Variants in CALN1 observed in about 807,000 individuals in gnomAD.
CALN1 encodes the protein calneuron 1.
CALN1 carries 17 observed loss-of-function variants against 30.6 expected under a neutral mutation model. The ratio of observed to expected loss-of-function variants is 0.56; its 90% CI spans 0.38 to 0.83. The LOEUF (loss-of-function observed/expected upper bound fraction) is 0.83. Ranked by LOEUF, CALN1 falls within the 40% of genes least tolerant of loss-of-function variation. The pLI is 0.00. For synonymous variants in CALN1, 156 were observed against 131.4 expected (o/e 1.19, Z -1.28); for missense variants, 291 against 354.9 (o/e 0.82, Z 1.45).
At chr7:72,134,009 A>C (rs933153198) in intron 3 of CALN1, among the ~76,000 whole-genome samples, 4 of 152,176 alleles carry the variant, frequency 2.6e-5, no homozygotes, top group Admixed American at 2.6e-4. Flanking sequence ...TGGCATTAAA[A>C]GGCATTAAAA....
chr7:72,307,966 C>G (rs560438935), intron 2 of CALN1, among the ~76,000 whole-genome samples: 18 of 152,176 alleles, frequency 1.2e-4, no homozygotes, highest in African/African-American at 4.1e-4. Context: ...CGTGAGTCCT[C>G]TCACTCACTA....
intron 5 of CALN1, among the ~76,000 whole-genome samples, chr7:71,891,957 T>TA (rs61692856): frequency 1.4e-3 from 145 of 101,900 alleles, no homozygotes; most frequent in South Asian, 5.3e-3. Flanking sequence ...AATAAATAAA[T>TA]AAAAAAAAAA....
intron 1 of CALN1, among the ~76,000 whole-genome samples, chr7:72,423,617 C>T (rs1165143935): frequency 5.9e-5 from 9 of 152,194 alleles, no homozygotes; most frequent in East Asian, 5.8e-4. Context: ...CCCCACACCA[C>T]CTGGGCGAAT....
chr7:72,348,893 C>CA (rs1802781500), intron 2 of CALN1, among the ~76,000 whole-genome samples: 1 of 152,142 alleles, frequency 6.6e-6, no homozygotes, highest in African/African-American at 2.4e-5. Flanking sequence ...ATAACACCCA[C>CA]AGTGTCCATG....
intron 4 of CALN1, among the ~76,000 whole-genome samples, chr7:72,094,900 C>A (rs1806114372): frequency 6.6e-6 from 1 of 152,140 alleles, no homozygotes; most frequent in Non-Finnish European, 1.5e-5. Context: ...AAGGTAACCT[C>A]ATGAGAACCC....
chr7:72,062,517 A>G (rs1439739998), intron 4 of CALN1, among the ~76,000 whole-genome samples: 3 of 147,764 alleles, frequency 2.0e-5, no homozygotes, highest in African/African-American at 5.2e-5. Flanking sequence ...ATCTCAAAAA[A>G]AAAAAAAAAA....
chr7:72,009,759 T>C (rs1015618088), intron 5 of CALN1, among the ~76,000 whole-genome samples: 3 of 152,156 alleles, frequency 2.0e-5, no homozygotes, highest in Non-Finnish European at 4.4e-5. Context: ...TTCCCTTTCA[T>C]TTGGCTCTCA....
chr7:71,978,600 C>T (rs1798227421), intron 5 of CALN1, among the ~76,000 whole-genome samples: 1 of 152,288 alleles, frequency 6.6e-6, no homozygotes, highest in Non-Finnish European at 1.5e-5. Flanking sequence ...AGCCTTAGCA[C>T]TGAGGGCAGG....
intron 5 of CALN1, among the ~76,000 whole-genome samples, chr7:71,898,018 G>GA (rs1554372166): frequency 8.3e-4 from 67 of 80,972 alleles, no homozygotes; most frequent in Middle Eastern, 7.4e-3. Context: ...GGAGGGGGGG[G>GA]GAGAGAGAGA....
chr7:72,396,512 G>C (rs1245851932), intron 2 of CALN1, among the ~76,000 whole-genome samples: 2 of 152,038 alleles, frequency 1.3e-5, no homozygotes, highest in Admixed American at 1.3e-4. Flanking sequence ...TGGTGAATAG[G>C]ACGGAGGAGG....
intron 4 of CALN1, among the ~76,000 whole-genome samples, chr7:72,092,783 T>C (rs577746520): frequency 7.2e-5 from 11 of 152,292 alleles, no homozygotes; most frequent in Admixed American, 7.2e-4. Context: ...GTGACTTGCT[T>C]TAGCCAGTGA....
chr7:72,070,179 A>G (rs531672046), intron 4 of CALN1, among the ~76,000 whole-genome samples: 1 of 152,314 alleles, frequency 6.6e-6, no homozygotes, highest in Non-Finnish European at 1.5e-5. Flanking sequence ...GTCAACTATA[A>G]CAACACATAT....
chr7:71,798,085 GAGACAGAGAGAGAGAC>G, intron 6 of CALN1, among the ~76,000 whole-genome samples: 1 of 119,132 alleles, frequency 8.4e-6, no homozygotes, highest in South Asian at 3.1e-4. Flanking sequence ...GAGACAGAGA[GAGACAGAGAGAGAGAC>G]AGAGAGAGAC....
chr7:72,051,093 G>T (rs1802808272), intron 4 of CALN1, among the ~76,000 whole-genome samples: 1 of 151,544 alleles, frequency 6.6e-6, no homozygotes, highest in Admixed American at 6.6e-5. Context: ...CTTTAGAAAA[G>T]TTAGACTTAA....
chr7:71,965,229 T>C (rs962834213), intron 5 of CALN1, among the ~76,000 whole-genome samples: 7 of 152,008 alleles, frequency 4.6e-5, no homozygotes, highest in Non-Finnish European at 1.0e-4. Flanking sequence ...CAGAGTCTTG[T>C]TATGTTGCCC....
chr7:72,480,656 C>T, the CALN1 span, among the ~76,000 whole-genome samples: 3 of 152,074 alleles, frequency 2.0e-5, no homozygotes, highest in Non-Finnish European at 2.9e-5. Flanking sequence ...GCTGTTTAGG[C>T]TTGGAATTTT....
At chr7:72,416,888 G>A (rs76683965), upstream of CALN1, among the ~76,000 whole-genome samples, 190 of 152,304 alleles carry the variant, frequency 1.2e-3, no homozygotes, top group African/African-American at 4.4e-3. Flanking sequence ...GCTGGGCTAG[G>A]CCAGGAGGCA....
chr7:72,334,160 A>T (rs1801849750), intron 2 of CALN1, among the ~76,000 whole-genome samples: 1 of 152,168 alleles, frequency 6.6e-6, no homozygotes, highest in African/African-American at 2.4e-5. Flanking sequence ...GCACACAAGT[A>T]GGGTCTCAGA....
At chr7:72,370,559 C>G (rs1804170958) in intron 2 of CALN1, among the ~76,000 whole-genome samples, 1 of 149,908 alleles carries the variant, frequency 6.7e-6, no homozygotes, top group Non-Finnish European at 1.5e-5. Flanking sequence ...GAGGCAGAGG[C>G]AGGAGAACGG....
Sources: allele counts gnomAD v4.1 joint callset (sites outside exome capture counted in the v4.1 genomes callset), GRCh38; gene constraint gnomAD v4.1.1; transcripts MANE v1.5; gene names NCBI Gene and HGNC (gene_info 2026-07-23, HGNC 2026-07-21).